The following PGAP1 variants were observed in gnomAD, a reference collection of about 807,000 sequenced individuals.
The protein encoded by PGAP1 is post-GPI attachment to proteins inositol deacylase 1, also known as GPI inositol-deacylase.
In PGAP1, 76 loss-of-function variants were observed where a neutral mutation model predicts 127.0. The observed-to-expected ratio is 0.60, with a 90% CI of 0.50 to 0.72. The LOEUF (loss-of-function observed/expected upper bound fraction) is 0.72, where lower values mean the gene tolerates loss of function less well. PGAP1 is among the 30% of genes least tolerant of loss of function. The probability of loss-of-function intolerance (pLI) is 0.00; values close to 1 mark genes in which losing one functional copy is unlikely to be tolerated. For missense variants in PGAP1, 982 were observed against 1,071.3 expected (o/e 0.92, Z 1.16); for synonymous variants, 362 against 366.5 (o/e 0.99, Z 0.14).
At chr2:196,887,320 C>T (rs942891118) in intron 10 of PGAP1, among the ~76,000 whole-genome samples, 8 of 151,994 alleles carry the variant, frequency 5.3e-5, no homozygotes, top group Non-Finnish European at 1.0e-4. Flanking sequence ...GGAGGCGGAG[C>T]TTGCAGTGAG....
rs747024084 is a variant in PGAP1, at chr2:196,892,366, A to G, written c.1069T>C (p.Trp357Arg). ...CTTACGTTGTAAGCTACATAGGTCC[A>G]TTTGGACACTTTTACTAGAACCCAC... is the stretch of plus-strand genomic sequence containing the variant. Reference protein sequence around the residue: ...SMWVLVKVSKWTYVAYNESEK... With the variant: ...SMWVLVKVSKRTYVAYNESEK... The change falls in exon 9 of 27, where the codon TGG (tryptophan) becomes CGG (arginine). Residue 357 changes from tryptophan (W) to arginine (R), a missense_variant. Coordinates refer to ENST00000354764, the MANE Select transcript of PGAP1 (RefSeq NM_024989.4). 2.3e-5 allele frequency: 35 copies of G among 1,491,498 alleles called. No homozygotes were observed. Among genetic ancestry groups the G allele is most frequent in the Non-Finnish European group, 3.2e-5 (35 of 1,090,502 alleles). The allele number at this position is 1,491,498 out of a possible 1,614,324, so 92.4% of individuals were successfully genotyped here. A position where few individuals can be genotyped will look rare whatever the true frequency, so the allele number is the denominator to read the frequency against.
Position 196,865,103 on chromosome 2 carries a change from G to A in PGAP1, c.1768-23C>T, listed in dbSNP as rs776364166. ...TACCTAAAAAACAGGTAAGTCAATG[G>A]GCAACTCCTGAATATTCATGTTAAT... On this transcript the variant is annotated intron_variant, in intron 19 of 26. Transcript: ENST00000354764. 23 of 1,296,130 alleles carry A rather than the reference G, an allele frequency of 1.8e-5. No homozygotes were observed. The East Asian group carries it at 5.6e-4, about 32-fold the overall frequency. 80.3% of individuals were successfully genotyped at this position (1,296,130 alleles called of 1,614,324 possible). A position where few individuals can be genotyped will look rare whatever the true frequency, so the allele number is the denominator to read the frequency against.
chr2:196,865,142 C>T (rs539809191), intron 19 of PGAP1, 62 bp from the exon 20 acceptor site: 1 of 929,158 alleles, frequency 1.1e-6, no homozygotes, highest in Non-Finnish European at 1.6e-6. Context: ...TGTACTTTCA[C>T]ATAAAATTTA....
At chr2:196,885,374 C>A (rs532233485) in intron 12 of PGAP1, 50 bp downstream of exon 12, 12 of 1,266,564 alleles carry the variant, frequency 9.5e-6, no homozygotes, top group Admixed American at 5.7e-5. Context: ...TGTGTATAGA[C>A]TCAAGTATTT....
intron 22 of PGAP1, among the ~76,000 whole-genome samples, chr2:196,846,658 G>GC (rs889493955): frequency 7.2e-5 from 11 of 152,146 alleles, no homozygotes; most frequent in African/African-American, 2.4e-4. Flanking sequence ...ACAGTCTCTT[G>GC]CCCCCTGGTT....
chr2:196,843,989 A>T lies in PGAP1; in HGVS notation c.2424T>A (p.Asp808Glu). ...TGTGCATGCGAAGGCTATCTTCAGC[A>T]TCGTTGGCAGATAAACGAAGATGGT... The part of the protein sequence containing the change: ...SIHHLRLSAN[D>E]AEDSLRMHST... Residue 808 changes from aspartate (D) to glutamate (E), a missense_variant, in exon 25 of 27, where the codon GAT becomes GAA. Coordinates refer to ENST00000354764, the MANE Select transcript of PGAP1 (RefSeq NM_024989.4). 1.2e-6 allele frequency: 2 copies of T among 1,608,602 alleles called. No individual in the cohort carries two copies. Among genetic ancestry groups the T allele is most frequent in the Non-Finnish European group, 1.7e-6 (2 of 1,176,160 alleles).
rs756780714 is a variant in PGAP1 at position 196,870,991 on chromosome 2, CAATT to C, written c.1729-16_1729-13del. ...GTCTTAACTGTCACCTAGTTTAAAACAATTATTGAAAAAAAAGGTTATTTTCCTC... is the reference window on the plus strand; with the variant it reads ...GTCTTAACTGTCACCTAGTTTAAAACATTGAAAAAAAAGGTTATTTTCCTC... On this transcript the variant is annotated splice_polypyrimidine_tract_variant and intron_variant, in intron 18 of 26. Coordinates refer to ENST00000354764, the MANE Select transcript of PGAP1 (RefSeq NM_024989.4). 2 of 1,587,516 alleles carry C rather than the reference CAATT, an allele frequency of 1.3e-6. No homozygotes were observed. Among genetic ancestry groups the C allele is most frequent in the Admixed American group, 3.4e-5 (2 of 59,242 alleles).
chr2:196,892,412 A>T lies in PGAP1; in HGVS notation c.1034-11T>A. ...CCCACATAGATGTCCCTGAAGGTAA[A>T]GGAAATTAATTTATTTGCCTTGTTT... On this transcript the variant is annotated splice_polypyrimidine_tract_variant and intron_variant, in intron 8 of 26. Transcript: ENST00000354764. 1 of 1,322,264 alleles carries T rather than the reference A, an allele frequency of 7.6e-7. No homozygotes were observed. The allele number at this position is 1,322,264 out of a possible 1,614,324, so 81.9% of individuals were successfully genotyped here.
intron 20 of PGAP1, among the ~76,000 whole-genome samples, chr2:196,856,011 T>C (rs1178353923): frequency 2.6e-5 from 4 of 151,560 alleles, no homozygotes; most frequent in Admixed American, 2.6e-4. Flanking sequence ...TTTTGTTTTT[T>C]GTGTGTGTGT....
intron 14 of PGAP1, 85 bp downstream of exon 14, chr2:196,875,661 C>T (rs1369661897): frequency 8.3e-6 from 6 of 726,658 alleles, no homozygotes; most frequent in African/African-American, 7.2e-5. Flanking sequence ...AAATATTCAA[C>T]ATTTGATATT....
chr2:196,880,310 C>T (rs548250323), intron 12 of PGAP1, among the ~76,000 whole-genome samples, 157 bp from the exon 13 acceptor site: 2 of 152,080 alleles, frequency 1.3e-5, no homozygotes, highest in East Asian at 3.9e-4. Context: ...GTTTACATTT[C>T]CAGGTCAATA....
At chr2:196,879,988 CTG>C (rs3835878) in intron 13 of PGAP1, 86 bp downstream of exon 13, 1 of 901,262 alleles carries the variant, frequency 1.1e-6, no homozygotes, top group Non-Finnish European at 1.8e-6. Context: ...TTTAGATAAA[CTG>C]TGCAGAAAAA....
At chr2:196,917,547 C>G (rs1189045717) in intron 2 of PGAP1, among the ~76,000 whole-genome samples, 1 of 152,176 alleles carries the variant, frequency 6.6e-6, no homozygotes, top group African/African-American at 2.4e-5. Context: ...AACCACTGAT[C>G]TACTTTCTGT....
At chr2:196,922,603 C>CAT (rs1300608308) in intron 1 of PGAP1, 1 of 782,856 alleles carries the variant, frequency 1.3e-6, no homozygotes, top group Admixed American at 6.4e-5. Context: ...CACACACACA[C>CAT]ACACACACAC....
At chr2:196,846,469 G>T (rs1385775968) in intron 22 of PGAP1, among the ~76,000 whole-genome samples, 1 of 152,074 alleles carries the variant, frequency 6.6e-6, no homozygotes, top group Non-Finnish European at 1.5e-5. Context: ...TCTGTGACAG[G>T]AAATCACATG....
In PGAP1 at chr2:196,912,873, A is replaced by T. The variant is rs778419232; in HGVS notation, c.649+9T>A. ...ATGGGGAGGTTAATGTTCATGTAAC[A>T]GTACTCACCTGTAATGAAACGATCT... On this transcript the variant is annotated intron_variant, in intron 4 of 26. Coordinates refer to ENST00000354764, the MANE Select transcript of PGAP1 (RefSeq NM_024989.4). 16 of 1,587,104 alleles carry T rather than the reference A, an allele frequency of 1.0e-5. No individual in the cohort carries two copies. The South Asian group carries it at 1.7e-4, about 17-fold the overall frequency.
intron 23 of PGAP1, among the ~76,000 whole-genome samples, chr2:196,845,311 T>G (rs1226407588): frequency 1.3e-5 from 2 of 151,324 alleles, no homozygotes; most frequent in African/African-American, 4.8e-5. Flanking sequence ...TGTCTGTTCC[T>G]AAGAATAACA....
Position 196,840,319 on chromosome 2 carries a change from G to GA in PGAP1, c.*914dup, listed in dbSNP as rs1303143722. ...GTTGTTGTTGTTTTTTCCCACAGCA[G>GA]AAAAAATGGTACAAACCTAGAGTTT... On this transcript the variant is annotated 3_prime_UTR_variant, in exon 27 of 27. Coordinates refer to ENST00000354764, the MANE Select transcript of PGAP1 (RefSeq NM_024989.4). The GA allele has an allele frequency of 3.9e-5, 6 of 152,038 alleles. No homozygotes were observed. Among genetic ancestry groups the GA allele is most frequent in the East Asian group, 3.9e-4 (2 of 5,172 alleles). 9.4% of individuals were successfully genotyped at this position (152,038 alleles called of 1,614,324 possible).
In PGAP1 at chr2:196,845,588, TA is replaced by T. The variant is rs201051791; in HGVS notation, c.2286+293del. 0.02 allele frequency among the ~76,000 whole-genome samples: 2,827 copies of T among 140,542 alleles called. 30 individuals are homozygous for T. The highest frequency in any genetic ancestry group is 0.027 in the Non-Finnish European group (1,718 of 64,230). The allele number at this position is 140,542 out of a possible 152,430, so 92.2% of individuals were successfully genotyped here. ...AATATAAACTGCCCTAGTGAAATGTTAAAAAAAAAAAAAAATTTAACACTTG... is the reference window on the plus strand; with the variant it reads ...AATATAAACTGCCCTAGTGAAATGTTAAAAAAAAAAAAAATTTAACACTTG... On this transcript the variant is annotated intron_variant, in intron 23 of 26. Transcript: ENST00000354764.
Sources: gnomAD v4.1 joint callset for allele counts (sites outside exome capture counted in the v4.1 genomes callset) on GRCh38, gnomAD v4.1.1 for gene constraint, MANE v1.5 for transcripts, NCBI Gene and HGNC (gene_info 2026-07-23, HGNC 2026-07-21) for gene names.